Variants in RBFOX1 observed in about 807,000 individuals in gnomAD.
The protein encoded by RBFOX1 is RNA binding protein fox-1 homolog 1.
RBFOX1 carries 8 observed loss-of-function variants against 57.7 expected under a neutral mutation model. That is an observed-to-expected ratio of 0.14 (90% CI 0.08 to 0.25). RBFOX1 has a LOEUF of 0.25. Among genes scored for constraint, RBFOX1 ranks in the 10% least tolerant of loss-of-function variants. The pLI, the probability that RBFOX1 is intolerant of heterozygous loss-of-function variation, is 1.00. For synonymous variants in RBFOX1, 326 were observed against 222.4 expected (o/e 1.47, Z -4.15); for missense variants, 611 against 548.5 (o/e 1.11, Z -1.14).
intron 4 of RBFOX1, among the ~76,000 whole-genome samples, chr16:5,942,794 T>C (rs921094760): frequency 5.3e-5 from 8 of 152,236 alleles, no homozygotes; most frequent in African/African-American, 1.4e-4. Flanking sequence ...TTTCTCACTG[T>C]TGTATTAAAT....
chr16:7,044,594 G>T (rs1471809623), intron 3 of RBFOX1, among the ~76,000 whole-genome samples: 1 of 152,064 alleles, frequency 6.6e-6, no homozygotes. Context: ...TTCAAGAGTG[G>T]TATTTGATTC....
intron 3 of RBFOX1, among the ~76,000 whole-genome samples, chr16:6,946,265 C>T (rs1386506602): frequency 6.6e-6 from 1 of 152,222 alleles, no homozygotes; most frequent in Non-Finnish European, 1.5e-5. Flanking sequence ...TGTAGTACAA[C>T]AATAGCCATA....
intron 1 of RBFOX1, among the ~76,000 whole-genome samples, chr16:6,057,767 T>C (rs1449793387): frequency 6.6e-6 from 1 of 151,306 alleles, no homozygotes; most frequent in Non-Finnish European, 1.5e-5. Flanking sequence ...TGCAATTTTC[T>C]CATTTTGCCA....
At chr16:6,787,198 C>G (rs761398045) in intron 3 of RBFOX1, among the ~76,000 whole-genome samples, 2 of 152,078 alleles carry the variant, frequency 1.3e-5, no homozygotes, top group Non-Finnish European at 2.9e-5. Flanking sequence ...ATGTGGCACG[C>G]TTGGACAGAA....
intron 3 of RBFOX1, among the ~76,000 whole-genome samples, chr16:6,765,519 T>A (rs2077203897): frequency 7.3e-6 from 1 of 137,058 alleles, no homozygotes; most frequent in Non-Finnish European, 1.7e-5. Context: ...ACACCTCAAC[T>A]TAAAGTTTAA....
intron 4 of RBFOX1, among the ~76,000 whole-genome samples, chr16:7,397,162 CA>C (rs762933130): frequency 5.9e-5 from 9 of 152,044 alleles, no homozygotes; most frequent in Non-Finnish European, 1.0e-4. Flanking sequence ...GATCTTTTAC[CA>C]AAATGTTACC....
At chr16:7,266,924 G>A (rs1172865176) in intron 4 of RBFOX1, among the ~76,000 whole-genome samples, 1 of 152,044 alleles carries the variant, frequency 6.6e-6, no homozygotes, top group Non-Finnish European at 1.5e-5. Context: ...GCTGGGGGGA[G>A]ACTGGAAGAC....
Position 5,478,314 on chromosome 16 carries a change from G to C in RBFOX1, c.258+11060G>C, listed in dbSNP as rs186196270. On this transcript the variant is annotated intron_variant, in intron 2 of 2. Coordinates refer to the RBFOX1 transcript ENST00000585867. ...TTAGAGTGGGCTAGCAGAGGAGAAG[G>C]AAGGCTCTGAGCATGGGGATTTGTG... Among the ~76,000 whole-genome samples, 616 of 152,148 alleles carry C rather than the reference G, an allele frequency of 4.0e-3. 5 individuals carry two copies. Among genetic ancestry groups the C allele is most frequent in the African/African-American group, 0.014 (576 of 41,428 alleles).
At chr16:6,369,419 G>A (rs187353235) in intron 2 of RBFOX1, among the ~76,000 whole-genome samples, 3 of 152,154 alleles carry the variant, frequency 2.0e-5, no homozygotes, top group Admixed American at 1.3e-4. Flanking sequence ...GTTTGAGAAC[G>A]TTTGTCTTAG....
At chr16:6,966,979 C>T (rs7185313) in intron 3 of RBFOX1, among the ~76,000 whole-genome samples, 9 of 151,946 alleles carry the variant, frequency 5.9e-5, no homozygotes, top group South Asian at 4.2e-4. Flanking sequence ...GACATTCATC[C>T]ATCATCTACT....
At chr16:7,098,298 T>C (rs755941705) in intron 4 of RBFOX1, among the ~76,000 whole-genome samples, 6 of 152,092 alleles carry the variant, frequency 3.9e-5, no homozygotes, top group Non-Finnish European at 8.8e-5. Flanking sequence ...GCCACCAGAG[T>C]AGCTGAGATT....
intron 2 of RBFOX1, among the ~76,000 whole-genome samples, chr16:6,558,213 A>G (rs1019765302): frequency 1.3e-5 from 2 of 152,062 alleles, no homozygotes; most frequent in African/African-American, 4.8e-5. Context: ...TGGGTTAGTG[A>G]TGGGTGAAAT....
At chr16:6,365,278 G>C (rs536890464) in intron 2 of RBFOX1, among the ~76,000 whole-genome samples, 1 of 151,796 alleles carries the variant, frequency 6.6e-6, no homozygotes, top group Non-Finnish European at 1.5e-5. Context: ...GTGGATGGAT[G>C]AGTAGGTGGA....
intron 3 of RBFOX1, among the ~76,000 whole-genome samples, chr16:5,686,500 T>C (rs1156855024): frequency 6.6e-6 from 1 of 152,152 alleles, no homozygotes. Flanking sequence ...CACTGAGAGA[T>C]CCTGGCTTTG....
At position 6,019,504 on chromosome 16, in the gene RBFOX1, A is replaced by T; in HGVS notation, c.-615A>T. ...CCCTCCGCCCCAGCCCCCCAGCAGCACCCGCGGTGGGGCGGGGGCGCTCTG... is the reference window on the plus strand; with the variant it reads ...CCCTCCGCCCCAGCCCCCCAGCAGCTCCCGCGGTGGGGCGGGGGCGCTCTG... On this transcript the variant is annotated 5_prime_UTR_variant, in exon 1 of 16. Coordinates refer to ENST00000550418, the MANE Select transcript of RBFOX1 (RefSeq NM_018723.4). The surrounding 1 kb of genome is among the most constrained non-coding windows in gnomAD (Gnocchi z 4.2). The T allele has an allele frequency of 9.7e-7, 1 of 1,028,064 alleles. No individual in the cohort carries two copies. The highest frequency in any genetic ancestry group is 1.2e-6 in the Non-Finnish European group (1 of 857,906). The allele number at this position is 1,028,064 out of a possible 1,614,324, so 63.7% of individuals were successfully genotyped here. A position where few individuals can be genotyped will look rare whatever the true frequency, so the allele number is the denominator to read the frequency against.
chr16:7,277,361 GAA>G (rs1180829102), intron 4 of RBFOX1, among the ~76,000 whole-genome samples: 5 of 152,232 alleles, frequency 3.3e-5, no homozygotes, highest in African/African-American at 1.2e-4. Flanking sequence ...TCCTTCTTTA[GAA>G]AACCTTTCCT....
intron 4 of RBFOX1, among the ~76,000 whole-genome samples, chr16:5,900,576 G>T (rs775396738): frequency 2.1e-4 from 32 of 152,050 alleles, no homozygotes; most frequent in Non-Finnish European, 4.0e-4. Context: ...TCCTGCTCCC[G>T]CCTCATGCAG....
chr16:7,517,866 T>A (rs774635652), intron 4 of RBFOX1, among the ~76,000 whole-genome samples: 2 of 151,134 alleles, frequency 1.3e-5, no homozygotes, highest in African/African-American at 4.9e-5. Context: ...CAGACCCTCA[T>A]GTCTTTGAAT....
intron 1 of RBFOX1, among the ~76,000 whole-genome samples, chr16:5,402,986 C>T (rs776620470): frequency 6.6e-6 from 1 of 152,218 alleles, no homozygotes; most frequent in Non-Finnish European, 1.5e-5. Flanking sequence ...TGATTTTATA[C>T]TGTGTCCCAA....
Sources: gnomAD v4.1 joint callset for allele counts (sites outside exome capture counted in the v4.1 genomes callset) on GRCh38, gnomAD v4.1.1 for gene constraint, Gnocchi (gnomAD v3.1) non-coding constraint, MANE v1.5 for transcripts, NCBI Gene and HGNC (gene_info 2026-07-23, HGNC 2026-07-21) for gene names.